Variants in PIK3CG observed in about 807,000 individuals in gnomAD.
PIK3CG encodes phosphatidylinositol-4,5-bisphosphate 3-kinase catalytic subunit gamma.
In PIK3CG, 55 loss-of-function variants were observed where a neutral mutation model predicts 102.3. The observed-to-expected ratio is 0.54, with a 90% CI of 0.43 to 0.67. PIK3CG has a LOEUF of 0.67. Among genes scored for constraint, PIK3CG ranks in the 30% least tolerant of loss-of-function variants. The probability of loss-of-function intolerance (pLI) is 0.00; values close to 1 mark genes in which losing one functional copy is unlikely to be tolerated. For synonymous variants in PIK3CG, 552 were observed against 540.0 expected (o/e 1.02, Z -0.31); for missense variants, 1,258 against 1,391.8 (o/e 0.90, Z 1.53).
intron 5 of PIK3CG, among the ~76,000 whole-genome samples, chr7:106,878,709 A>T (rs1402595870): frequency 6.6e-6 from 1 of 152,222 alleles, no homozygotes; most frequent in Non-Finnish European, 1.5e-5. Flanking sequence ...CAGCGAAGCC[A>T]CATGAGAAGA....
chr7:106,874,556 G>C lies in PIK3CG; in HGVS notation c.2288-144G>C. ...ACCTCATATGGTTAGCTCCTCAAAG[G>C]CAGGGCCCACCCACATTTCTCCTGC... is the stretch of plus-strand genomic sequence containing the variant. On this transcript the variant is annotated intron_variant, in intron 4 of 10. Transcript: ENST00000496166. The surrounding 1 kb of genome is among the most constrained non-coding windows in gnomAD (Gnocchi z 4.3). 1.6e-6 allele frequency: 1 copy of C among 626,910 alleles called. No individual in the cohort carries two copies. The highest frequency in any genetic ancestry group is 2.8e-6 in the Non-Finnish European group (1 of 359,796). The allele number at this position is 626,910 out of a possible 1,614,324, so 38.8% of individuals were successfully genotyped here.
At position 106,905,160 on chromosome 7, in the gene PIK3CG, A is replaced by C. The variant is rs1337982755; in HGVS notation, c.3082A>C (p.Ile1028Leu). 1.2e-6 allele frequency: 2 copies of C among 1,614,058 alleles called. No homozygotes were observed. Among genetic ancestry groups the C allele is most frequent in the Admixed American group, 3.3e-5 (2 of 60,024 alleles). ...LALRHHTNLL[I>L]ILFSMMLMTG... ...CCTTCGTCATCACACAAACCTACTG[A>C]TCATCCTGTTCTCCATGATGCTGAT... Residue 1028 changes from isoleucine (I) to leucine (L), a missense_variant, in exon 11 of 11, where the codon ATC becomes CTC. By Grantham distance (5) the Ile-to-Leu change is conservative. Around this residue, in one of 2 missense-constraint regions of PIK3CG, gnomAD observed 426 missense variants for 604.2 expected, o/e 0.71. Transcript: ENST00000496166. This position sits in a 1 kb window ranked among gnomAD's most constrained non-coding sequence, Gnocchi z 5.6.
chr7:106,869,465 T>C lies in PIK3CG; in HGVS notation c.1904T>C (p.Phe635Ser), dbSNP rs2116466426. ...ACAATGCAGCTCCTGGACTGCAACTTCTCAGATGAAAATGTAAGAGCCATT... is the reference window on the plus strand; with the variant it reads ...ACAATGCAGCTCCTGGACTGCAACTCCTCAGATGAAAATGTAAGAGCCATT... ...GLTMQLLDCN[F>S]SDENVRAIAV... Residue 635 changes from phenylalanine (F) to serine (S), a missense_variant, in exon 2 of 11, where the codon TTC becomes TCC. Around this residue, in one of 2 missense-constraint regions of PIK3CG, gnomAD observed 426 missense variants for 604.2 expected, o/e 0.71. Coordinates refer to ENST00000496166, the MANE Select transcript of PIK3CG (RefSeq NM_001282426.2). This position sits in a 1 kb window ranked among gnomAD's most constrained non-coding sequence, Gnocchi z 5.3. The C allele has an allele frequency of 6.2e-7, 1 of 1,614,232 alleles. No homozygotes were observed. Among genetic ancestry groups the C allele is most frequent in the South Asian group, 1.1e-5 (1 of 91,082 alleles).
intron 10 of PIK3CG, among the ~76,000 whole-genome samples, chr7:106,896,736 G>A (rs760687109): frequency 6.6e-5 from 10 of 152,184 alleles, no homozygotes; most frequent in African/African-American, 1.9e-4. Flanking sequence ...CAAGGGAGAG[G>A]ACTGACGTTT....
Position 106,869,592 on chromosome 7 carries a change from C to A in PIK3CG, c.1995+36C>A. ...TTGGTGTTATCAATGGAAGCCTTCTCAAAAGGAATTGATTTGCATATGCAC... is the reference window on the plus strand; with the variant it reads ...TTGGTGTTATCAATGGAAGCCTTCTAAAAAGGAATTGATTTGCATATGCAC... On this transcript the variant is annotated intron_variant, in intron 2 of 10. Coordinates refer to ENST00000496166, the MANE Select transcript of PIK3CG (RefSeq NM_001282426.2). This position sits in a 1 kb window ranked among gnomAD's most constrained non-coding sequence, Gnocchi z 5.3. 2 of 1,505,226 alleles carry A rather than the reference C, an allele frequency of 1.3e-6. No homozygotes were observed. The highest frequency in any genetic ancestry group is 2.5e-5 in the South Asian group (2 of 80,002). 93.2% of individuals were successfully genotyped at this position (1,505,226 alleles called of 1,614,324 possible). A position where few individuals can be genotyped will look rare whatever the true frequency, so the allele number is the denominator to read the frequency against.
chr7:106,866,471 T>C (rs1474041552), intron 1 of PIK3CG, among the ~76,000 whole-genome samples: 1 of 152,146 alleles, frequency 6.6e-6, no homozygotes, highest in African/African-American at 2.4e-5. Flanking sequence ...GAGAATAAAT[T>C]TGTGAATTTG....
In PIK3CG at chr7:106,906,831, C is replaced by CTTTTTTT. The variant is rs571080689; in HGVS notation, c.*1455_*1461dup. The CTTTTTTT allele has an allele frequency of 1.1e-5, 2 of 175,304 alleles. No individual in the cohort carries two copies. Among genetic ancestry groups the CTTTTTTT allele is most frequent in the Non-Finnish European group, 2.2e-5 (2 of 90,916 alleles). The allele number at this position is 175,304 out of a possible 1,614,324, so 10.9% of individuals were successfully genotyped here. On this transcript the variant is annotated 3_prime_UTR_variant, in exon 11 of 11. Transcript: ENST00000496166. ...GACTTTGAGGTAGTCCAGACCTTTT[C>CTTTTTTT]TTTTTTTTTTTTTTTTTAATGTGTG...
chr7:106,876,005 C>G (rs569207205), intron 5 of PIK3CG, among the ~76,000 whole-genome samples: 7 of 147,714 alleles, frequency 4.7e-5, no homozygotes, highest in Non-Finnish European at 1.0e-4. Context: ...AGCTCCGCTT[C>G]CCGGGTTCAC....
chr7:106,900,820 T>C (rs1298104386), intron 10 of PIK3CG, among the ~76,000 whole-genome samples: 1 of 152,182 alleles, frequency 6.6e-6, no homozygotes, highest in Admixed American at 6.5e-5. Flanking sequence ...TTAGGAAGCT[T>C]AGTTTGTCTG....
rs1791447764 is a variant in PIK3CG, at chr7:106,897,862, G to C, written c.3031-7247G>C. 6.6e-6 allele frequency among the ~76,000 whole-genome samples: 1 copy of C among 152,080 alleles called. No homozygotes were observed. ...AATATTTCTGTACATGCGTTTTTAT[G>C]GTAGAATGATTTCTATTCCTCTGGG... On this transcript the variant is annotated intron_variant, in intron 10 of 10. Coordinates refer to ENST00000496166, the MANE Select transcript of PIK3CG (RefSeq NM_001282426.2). This position sits in a 1 kb window ranked among gnomAD's most constrained non-coding sequence, Gnocchi z 4.6.
At chr7:106,887,718 A>G (rs1403136557) in intron 10 of PIK3CG, among the ~76,000 whole-genome samples, 1 of 152,078 alleles carries the variant, frequency 6.6e-6, no homozygotes, top group Admixed American at 6.6e-5. Context: ...TAAAAATCAC[A>G]TGTTTTGACA....
rs1415335136 is a variant in PIK3CG at position 106,879,534 on chromosome 7, G to A, written c.2407G>A (p.Val803Ile). ...TTCCTTACAGATTGAAAAATGTAAA[G>A]TAATGGCCTCCAAGAAAAAACCACT... ...AGALAIEKCK[V>I]MASKKKPLWL... The change falls in exon 6 of 11, where the codon GTA becomes ATA. Residue 803 changes from valine to isoleucine, a missense_variant. Val to Ile is a conservative substitution (Grantham distance 29). Around this residue, in one of 2 missense-constraint regions of PIK3CG, gnomAD observed 426 missense variants for 604.2 expected, o/e 0.71. Transcript: ENST00000496166. The surrounding 1 kb of genome is among the most constrained non-coding windows in gnomAD (Gnocchi z 4.9). 6.2e-7 allele frequency: 1 copy of A among 1,613,460 alleles called. No homozygotes were observed. The highest frequency in any genetic ancestry group is 1.3e-5 in the African/African-American group (1 of 74,890).
At position 106,877,479 on chromosome 7, in the gene PIK3CG, G is replaced by T. The variant is rs186623544; in HGVS notation, c.2392-2040G>T. Among the ~76,000 whole-genome samples the T allele has an allele frequency of 9.9e-5, 15 of 152,248 alleles. No homozygotes were observed. The highest frequency in any genetic ancestry group is 3.1e-4 in the African/African-American group (13 of 41,534). On this transcript the variant is annotated intron_variant, in intron 5 of 10. Coordinates refer to ENST00000496166, the MANE Select transcript of PIK3CG (RefSeq NM_001282426.2). The surrounding 1 kb of genome is among the most constrained non-coding windows in gnomAD (Gnocchi z 4.5). ...GTGGCAGATATTTTTTCTTAGAAGG[G>T]TTATGGTTTTAATTCTTACATTGAA...
intron 5 of PIK3CG, among the ~76,000 whole-genome samples, chr7:106,875,956 G>A (rs372177515): frequency 8.5e-5 from 12 of 140,528 alleles, no homozygotes; most frequent in East Asian, 2.2e-4. Context: ...TGCCCAGGCC[G>A]GACTGCGGAC....
In PIK3CG at chr7:106,906,281, A is replaced by T. The variant is rs1030916392; in HGVS notation, c.*894A>T. 8.7e-6 allele frequency: 2 copies of T among 229,326 alleles called. No individual in the cohort carries two copies. Among genetic ancestry groups the T allele is most frequent in the African/African-American group, 4.4e-5 (2 of 45,060 alleles). The allele number at this position is 229,326 out of a possible 1,614,324, so 14.2% of individuals were successfully genotyped here. On this transcript the variant is annotated 3_prime_UTR_variant, in exon 11 of 11. Transcript: ENST00000496166. The stretch of plus-strand genomic sequence containing the variant: ...ACCTTTACTCTATAACTCAAAAATT[A>T]GTTGAAAAATAATTACTTCTCAAGG...
rs1357228699 is a variant in PIK3CG at position 106,897,320 on chromosome 7, AG to A, written c.3031-7787del. Among the ~76,000 whole-genome samples, 1 of 152,226 alleles carries A rather than the reference AG, an allele frequency of 6.6e-6. No homozygotes were observed. Among genetic ancestry groups the A allele is most frequent in the Non-Finnish European group, 1.5e-5 (1 of 68,042 alleles). On this transcript the variant is annotated intron_variant, in intron 10 of 10. Transcript: ENST00000496166. This position sits in a 1 kb window ranked among gnomAD's most constrained non-coding sequence, Gnocchi z 4.6. ...CCTAGCATGGAAGTTGCTGGGTAAA[AG>A]GATATAGATGTTTTTAAAGCCAGGT...
rs147631551 is a variant in PIK3CG, at chr7:106,867,823, T to A, written c.262T>A (p.Tyr88Asn). 733 of 1,612,530 alleles carry A rather than the reference T, an allele frequency of 4.5e-4. 1 individual carries two copies. Among genetic ancestry groups the A allele is most frequent in the Admixed American group, 7.5e-4 (45 of 60,028 alleles). The change falls in exon 2 of 11, where the codon TAC becomes AAC. Residue 88 changes from tyrosine to asparagine, a missense_variant. By Grantham distance (143) the Tyr-to-Asn change is moderately radical. This residue lies in a region of PIK3CG where 832 missense variants were observed against 787.5 expected (regional missense o/e 1.06). Coordinates refer to ENST00000496166, the MANE Select transcript of PIK3CG (RefSeq NM_001282426.2). This position sits in a 1 kb window ranked among gnomAD's most constrained non-coding sequence, Gnocchi z 5.1. Reference sequence around the variant, plus strand: ...GGAGACCAGCGTGGCGGCGGACTTCTACCACCGGCTGGGACCGCATCACTT... The same window carrying A: ...GGAGACCAGCGTGGCGGCGGACTTCAACCACCGGCTGGGACCGCATCACTT... ...ALETSVAADF[Y>N]HRLGPHHFLL...
Position 106,890,465 on chromosome 7 carries a change from G to T in PIK3CG, c.3030+4173G>T, listed in dbSNP as rs1791239079. 6.6e-6 allele frequency among the ~76,000 whole-genome samples: 1 copy of T among 152,246 alleles called. No individual in the cohort carries two copies. The highest frequency in any genetic ancestry group is 1.5e-5 in the Non-Finnish European group (1 of 68,042). Reference sequence around the variant, plus strand: ...CAAAGTGCTGGGACTACAGGCGTGAGCCAGCGTGCCCAGCCCCGAATGTGT... The same window carrying T: ...CAAAGTGCTGGGACTACAGGCGTGATCCAGCGTGCCCAGCCCCGAATGTGT... On this transcript the variant is annotated intron_variant, in intron 10 of 10. Coordinates refer to ENST00000496166, the MANE Select transcript of PIK3CG (RefSeq NM_001282426.2). This position sits in a 1 kb window ranked among gnomAD's most constrained non-coding sequence, Gnocchi z 4.2.
At position 106,905,209 on chromosome 7, in the gene PIK3CG, G is replaced by A. The variant is rs779414804; in HGVS notation, c.3131G>A (p.Ser1044Asn). Reference protein sequence around the residue: ...MLMTGMPQLTSKEDIEYIRDA... With the variant: ...MLMTGMPQLTNKEDIEYIRDA... The stretch of plus-strand genomic sequence containing the variant: ...ATGACAGGAATGCCCCAGTTAACAA[G>A]CAAAGAAGACATTGAATATATCCGG... Residue 1044 changes from serine (S) to asparagine (N), a missense_variant, in exon 11 of 11, where the codon AGC (serine) becomes AAC (asparagine). Ser to Asn is a conservative substitution (Grantham distance 46). Coordinates refer to ENST00000496166, the MANE Select transcript of PIK3CG (RefSeq NM_001282426.2). This position sits in a 1 kb window ranked among gnomAD's most constrained non-coding sequence, Gnocchi z 5.6. 3.7e-6 allele frequency: 6 copies of A among 1,613,990 alleles called. No individual in the cohort carries two copies. The South Asian group carries it at 4.4e-5, about 12-fold the overall frequency.
Sources: allele counts gnomAD v4.1 joint callset (sites outside exome capture counted in the v4.1 genomes callset), GRCh38; gene constraint gnomAD v4.1.1; regional missense constraint gnomAD v4.1.1; non-coding constraint Gnocchi (gnomAD v3.1); transcripts MANE v1.5; gene names NCBI Gene and HGNC (gene_info 2026-07-23, HGNC 2026-07-21).